TIGAR: variants seen among roughly 807,000 people sequenced by gnomAD.
TIGAR encodes the protein TP53 induced glycolysis regulatory phosphatase.
Under a neutral mutation model 17.9 loss-of-function variants are expected in TIGAR, and 7 were observed. That is an observed-to-expected ratio of 0.39 (90% CI 0.22 to 0.73). The LOEUF (loss-of-function observed/expected upper bound fraction) is 0.73. Ranked by LOEUF, TIGAR falls within the 30% of genes least tolerant of loss-of-function variation. The pLI, the probability that TIGAR is intolerant of heterozygous loss-of-function variation, is 0.42. For missense variants in TIGAR, 258 were observed against 327.4 expected, an observed-to-expected ratio of 0.79 and a Z score of 1.64; for synonymous variants, 94 against 108.6, an observed-to-expected ratio of 0.87 and a Z score of 0.84.
At chr12:4,331,406 G>T in intron 2 of TIGAR, 89 bp downstream of exon 2, 1 of 1,206,008 alleles carries the variant, frequency 8.3e-7, no homozygotes, top group Non-Finnish European at 1.2e-6. Flanking sequence ...GGGGTAGACT[G>T]GGGGCAGCAC....
At chr12:4,348,351 A>G (rs1864803203) in intron 3 of TIGAR, among the ~76,000 whole-genome samples, 1 of 152,166 alleles carries the variant, frequency 6.6e-6, no homozygotes, top group Admixed American at 6.5e-5. Context: ...AGGATAAGTA[A>G]AGAAACCCAT....
intron 5 of TIGAR, among the ~76,000 whole-genome samples, chr12:4,351,617 T>C (rs1273857297): frequency 6.6e-6 from 1 of 152,208 alleles, no homozygotes; most frequent in Non-Finnish European, 1.5e-5. Flanking sequence ...AAAAAAGACC[T>C]TTGAATATGA....
intron 3 of TIGAR, among the ~76,000 whole-genome samples, chr12:4,345,597 C>G (rs1354741198): frequency 6.6e-6 from 1 of 152,160 alleles, no homozygotes; most frequent in African/African-American, 2.4e-5. Context: ...ACACCTTATA[C>G]AAAAATTAAT....
Position 4,358,701 on chromosome 12 carries a change from A to G in TIGAR, c.*6010A>G, listed in dbSNP as rs568319244. On this transcript the variant is annotated 3_prime_UTR_variant, in exon 6 of 6. Transcript: ENST00000179259. ...CTTAGACCAAATTTAAATTCTGTCA[A>G]TTATTTTGTTGATGTACCTGTGGCT... Among the ~76,000 whole-genome samples the G allele has an allele frequency of 6.6e-6, 1 of 151,090 alleles. No individual in the cohort carries two copies. Among genetic ancestry groups the G allele is most frequent in the East Asian group, 2.0e-4 (1 of 5,126 alleles).
At chr12:4,350,230 A>T (rs1864823609) in intron 4 of TIGAR, among the ~76,000 whole-genome samples, 1 of 152,234 alleles carries the variant, frequency 6.6e-6, no homozygotes, top group Non-Finnish European at 1.5e-5. Flanking sequence ...TTTTCACTAG[A>T]CTACCACTGA....
Position 4,349,855 on chromosome 12 carries a change from A to G in TIGAR, c.229A>G (p.Lys77Glu). ...HGILERSKFC[K>E]DMTVKYDSRL... is the part of the protein sequence containing the mutation. ...AATTTTGGAGAGAAGCAAATTTTGC[A>G]AAGATATGACGGTAAAGTATGACTC... is the stretch of plus-strand genomic sequence containing the variant. Residue 77 changes from lysine to glutamate, a missense_variant, in exon 4 of 6, where the codon AAA becomes GAA. Coordinates refer to ENST00000179259, the MANE Select transcript of TIGAR (RefSeq NM_020375.3). The G allele has an allele frequency of 6.3e-7, 1 of 1,582,332 alleles. No homozygotes were observed. Among genetic ancestry groups the G allele is most frequent in the Non-Finnish European group, 8.6e-7 (1 of 1,168,936 alleles).
intron 3 of TIGAR, among the ~76,000 whole-genome samples, chr12:4,344,845 A>G (rs929531132): frequency 1.3e-5 from 2 of 152,228 alleles, no homozygotes; most frequent in East Asian, 1.9e-4. Context: ...TGCAGATGAC[A>G]TGATTGTATA....
chr12:4,336,478 ACACACACACACACACACT>A, intron 2 of TIGAR, among the ~76,000 whole-genome samples: 1 of 150,844 alleles, frequency 6.6e-6, no homozygotes, highest in African/African-American at 2.4e-5. Flanking sequence ...ACACACACAC[ACACACACACACACACACT>A]CACACACATA....
chr12:4,357,537 G>T lies in TIGAR; in HGVS notation c.*4846G>T, dbSNP rs543768540. Among the ~76,000 whole-genome samples the T allele has an allele frequency of 1.8e-4, 28 of 152,280 alleles. 1 individual carries two copies. In the South Asian group the frequency reaches 5.8e-3, roughly 32 times the overall value. On this transcript the variant is annotated 3_prime_UTR_variant, in exon 6 of 6. Transcript: ENST00000179259. Reference sequence around the variant, plus strand: ...TCTTTCTTTGGGCCCCATCAATTTGGAAGTACAGCTTTCAGATTGAAGTAT... The same window carrying T: ...TCTTTCTTTGGGCCCCATCAATTTGTAAGTACAGCTTTCAGATTGAAGTAT...
intron 1 of TIGAR, among the ~76,000 whole-genome samples, chr12:4,322,805 T>A (rs1864494811): frequency 6.6e-6 from 1 of 152,060 alleles, no homozygotes; most frequent in African/African-American, 2.4e-5. Context: ...CACTATCTCT[T>A]CTCCCACCCC....
intron 2 of TIGAR, 139 bp downstream of exon 2, chr12:4,331,456 C>G: frequency 1.3e-6 from 1 of 795,280 alleles, no homozygotes; most frequent in Admixed American, 2.3e-5. Flanking sequence ...AGCATCATAA[C>G]CACAGAAATA....
intron 1 of TIGAR, among the ~76,000 whole-genome samples, chr12:4,325,969 A>G: frequency 6.6e-6 from 1 of 152,174 alleles, no homozygotes; most frequent in Non-Finnish European, 1.5e-5. Flanking sequence ...AATTCCTTAA[A>G]TGGAATTAAG....
At position 4,336,890 on chromosome 12, in the gene TIGAR, A is replaced by T. The variant is rs866352651; in HGVS notation, c.71-149A>T. 1.6e-5 allele frequency: 14 copies of T among 887,684 alleles called. No homozygotes were observed. In the Middle Eastern group the frequency reaches 1.5e-3, roughly 93 times the overall value. 55.0% of individuals were successfully genotyped at this position (887,684 alleles called of 1,614,324 possible). A position where few individuals can be genotyped will look rare whatever the true frequency, so the allele number is the denominator to read the frequency against. ...GACTTAAAACTTATTTTTACTTGCTAATAACTCCCTGAAAAGTTACGTGGA... is the reference window on the plus strand; with the variant it reads ...GACTTAAAACTTATTTTTACTTGCTTATAACTCCCTGAAAAGTTACGTGGA... On this transcript the variant is annotated intron_variant, in intron 2 of 5. Transcript: ENST00000179259.
intron 1 of TIGAR, among the ~76,000 whole-genome samples, chr12:4,328,958 C>T (rs1195953673): frequency 2.6e-5 from 4 of 152,150 alleles, no homozygotes; most frequent in Non-Finnish European, 5.9e-5. Flanking sequence ...AACAATTCTC[C>T]GTAGTCTTCC....
chr12:4,322,306 G>C (rs2120637418), intron 1 of TIGAR, among the ~76,000 whole-genome samples: 1 of 152,308 alleles, frequency 6.6e-6, no homozygotes, highest in East Asian at 1.9e-4. Context: ...TAAGAGCACA[G>C]ATTTTTCAGG....
chr12:4,322,290 C>G (rs1046928609), intron 1 of TIGAR, among the ~76,000 whole-genome samples: 1 of 152,192 alleles, frequency 6.6e-6, no homozygotes, highest in African/African-American at 2.4e-5. Context: ...AGCCACCGCG[C>G]CCTGCTAAGA....
chr12:4,333,743 C>T (rs1185376366), intron 2 of TIGAR, among the ~76,000 whole-genome samples: 6 of 152,090 alleles, frequency 3.9e-5, no homozygotes, highest in South Asian at 2.1e-4. Flanking sequence ...GGATTGCAGG[C>T]GTTAGCCACC....
At position 4,357,973 on chromosome 12, in the gene TIGAR, C is replaced by A. The variant is rs139336156; in HGVS notation, c.*5282C>A. On this transcript the variant is annotated 3_prime_UTR_variant, in exon 6 of 6. Transcript: ENST00000179259. ...GAAAAAATTAGCCAGGCCTGGTGGCCGGCGCCTGTAGTCCCAGCTACTTGG... is the reference window on the plus strand; with the variant it reads ...GAAAAAATTAGCCAGGCCTGGTGGCAGGCGCCTGTAGTCCCAGCTACTTGG... Among the ~76,000 whole-genome samples, 6 of 151,620 alleles carry A rather than the reference C, an allele frequency of 4.0e-5. No homozygotes were observed. Among genetic ancestry groups the A allele is most frequent in the South Asian group, 2.1e-4 (1 of 4,800 alleles).
intron 3 of TIGAR, among the ~76,000 whole-genome samples, chr12:4,348,344 A>G (rs1480997985): frequency 6.6e-6 from 1 of 152,214 alleles, no homozygotes; most frequent in Non-Finnish European, 1.5e-5. Flanking sequence ...CCCAACCAGG[A>G]TAAGTAAAGA....
Sources: allele counts gnomAD v4.1 joint callset (sites outside exome capture counted in the v4.1 genomes callset), GRCh38; gene constraint gnomAD v4.1.1; transcripts MANE v1.5; gene names NCBI Gene and HGNC (gene_info 2026-07-23, HGNC 2026-07-21).